Variants in EXOC6B observed in about 807,000 individuals in gnomAD.
EXOC6B encodes the protein SEC15 homolog B.
EXOC6B carries 54 observed loss-of-function variants against 113.5 expected under a neutral mutation model. The ratio of observed to expected loss-of-function variants is 0.48; its 90% CI spans 0.38 to 0.60. The LOEUF (loss-of-function observed/expected upper bound fraction) is 0.60, where lower values mean the gene tolerates loss of function less well. EXOC6B is among the 20% of genes least tolerant of loss of function. EXOC6B has a pLI of 0.00. For missense variants in EXOC6B, 797 were observed against 977.5 expected (o/e 0.82, Z 2.46); for synonymous variants, 357 against 339.0 (o/e 1.05, Z -0.58).
intron 1 of EXOC6B, among the ~76,000 whole-genome samples, chr2:72,759,421 A>G (rs953868720): frequency 6.6e-6 from 1 of 152,180 alleles, no homozygotes; most frequent in Non-Finnish European, 1.5e-5. Context: ...CAGAGTCATA[A>G]AATTTTTCCA....
chr2:72,380,151 T>C (rs1488311070), intron 18 of EXOC6B, among the ~76,000 whole-genome samples: 1 of 152,180 alleles, frequency 6.6e-6, no homozygotes, highest in Admixed American at 6.5e-5. Flanking sequence ...TAAATTGACA[T>C]CAAACAATAT....
intron 2 of EXOC6B, among the ~76,000 whole-genome samples, chr2:72,740,683 G>GAT (rs1375085309): frequency 6.6e-6 from 1 of 152,154 alleles, no homozygotes; most frequent in Non-Finnish European, 1.5e-5. Flanking sequence ...ATTCTACAAT[G>GAT]ATAGCTTTTA....
At chr2:72,331,905 C>T (rs958696861) in intron 20 of EXOC6B, among the ~76,000 whole-genome samples, 5 of 152,028 alleles carry the variant, frequency 3.3e-5, no homozygotes, top group African/African-American at 1.2e-4. Context: ...AATTTGCTTC[C>T]TAATGAAATT....
At position 72,825,250 on chromosome 2, in the gene EXOC6B, G is replaced by C. The variant is rs1686832547; in HGVS notation, c.113+548C>G. 6.6e-6 allele frequency among the ~76,000 whole-genome samples: 1 copy of C among 152,146 alleles called. No homozygotes were observed. Among genetic ancestry groups the C allele is most frequent in the South Asian group, 2.1e-4 (1 of 4,826 alleles). Reference sequence around the variant, plus strand: ...GGTCGTCCTCGTAACAGGGAGGCAGGGATAAAGGAGCAGCGGCTCCCAGGA... The same window carrying C: ...GGTCGTCCTCGTAACAGGGAGGCAGCGATAAAGGAGCAGCGGCTCCCAGGA... On this transcript the variant is annotated intron_variant, in intron 1 of 21. Coordinates refer to ENST00000272427, the MANE Select transcript of EXOC6B (RefSeq NM_015189.3). The surrounding 1 kb of genome is among the most constrained non-coding windows in gnomAD (Gnocchi z 4.4).
Position 72,265,055 on chromosome 2 carries a change from C to T in EXOC6B, c.2196+69892G>A, listed in dbSNP as rs116628094. 4.3e-3 allele frequency among the ~76,000 whole-genome samples: 658 copies of T among 151,674 alleles called. 9 individuals are homozygous for T. Among genetic ancestry groups the T allele is most frequent in the Middle Eastern group, 6.8e-3 (2 of 294 alleles). On this transcript the variant is annotated intron_variant, in intron 20 of 21. Coordinates refer to ENST00000272427, the MANE Select transcript of EXOC6B (RefSeq NM_015189.3). ...ACTAGGTAACAAGCAGAGGTTGGAA[C>T]GGTTTAGAGGGCTTAGAAGAAGACA...
intron 18 of EXOC6B, among the ~76,000 whole-genome samples, chr2:72,406,877 G>A (rs1329672031): frequency 4.6e-5 from 7 of 152,068 alleles, no homozygotes; most frequent in Non-Finnish European, 1.0e-4. Context: ...AGGAATCAGA[G>A]ACACAAAAAA....
In EXOC6B at chr2:72,638,250, C is replaced by T. The variant is rs1325371944; in HGVS notation, c.670-62582G>A. On this transcript the variant is annotated intron_variant, in intron 6 of 21. Coordinates refer to ENST00000272427, the MANE Select transcript of EXOC6B (RefSeq NM_015189.3). Reference sequence around the variant, plus strand: ...ACTATATGCTGATAAATTGGGAAAACTTAAAAGACATGGATACATTCCTAG... The same window carrying T: ...ACTATATGCTGATAAATTGGGAAAATTTAAAAGACATGGATACATTCCTAG... 1.3e-5 allele frequency among the ~76,000 whole-genome samples: 2 copies of T among 152,160 alleles called. 1 individual carries two copies. Among genetic ancestry groups the T allele is most frequent in the South Asian group, 4.2e-4 (2 of 4,810 alleles).
At chr2:72,799,963 G>A (rs1433332265) in intron 1 of EXOC6B, among the ~76,000 whole-genome samples, 2 of 152,038 alleles carry the variant, frequency 1.3e-5, no homozygotes, top group Non-Finnish European at 2.9e-5. Flanking sequence ...TACTCCAAGG[G>A]CTTAAGTGGG....
chr2:72,226,285 A>G (rs11126363), intron 20 of EXOC6B, among the ~76,000 whole-genome samples: 56,236 of 152,054 alleles, frequency 0.37, 13,146 homozygotes, highest in African/African-American at 0.66. Context: ...TAATAGTAAT[A>G]TATCATTGTT....
intron 19 of EXOC6B, among the ~76,000 whole-genome samples, chr2:72,353,098 G>A (rs983246972): frequency 2.6e-5 from 4 of 152,176 alleles, no homozygotes; most frequent in African/African-American, 9.7e-5. Context: ...AGAACAAATG[G>A]CTTGAAGGAA....
intron 6 of EXOC6B, among the ~76,000 whole-genome samples, chr2:72,657,408 T>C (rs1367326736): frequency 6.6e-6 from 1 of 151,242 alleles, no homozygotes; most frequent in East Asian, 1.9e-4. Flanking sequence ...TTTTGTTTTT[T>C]TTAAGTAGAG....
chr2:72,650,749 T>A (rs1421180059), intron 6 of EXOC6B, among the ~76,000 whole-genome samples: 1 of 151,894 alleles, frequency 6.6e-6, no homozygotes, highest in Non-Finnish European at 1.5e-5. Context: ...ACAATTCCTA[T>A]CAGAATGGCT....
At chr2:72,336,096 C>T (rs904941551) in intron 19 of EXOC6B, among the ~76,000 whole-genome samples, 3 of 152,072 alleles carry the variant, frequency 2.0e-5, no homozygotes, top group African/African-American at 7.2e-5. Context: ...CTATGAAGCC[C>T]GTGGCCAATC....
At chr2:72,481,571 A>G (rs956764353) in intron 16 of EXOC6B, among the ~76,000 whole-genome samples, 1 of 152,242 alleles carries the variant, frequency 6.6e-6, no homozygotes, top group Non-Finnish European at 1.5e-5. Flanking sequence ...ATATGTTAAT[A>G]AACTACATCA....
intron 20 of EXOC6B, among the ~76,000 whole-genome samples, chr2:72,298,990 T>C (rs1686328099): frequency 6.6e-6 from 1 of 152,130 alleles, no homozygotes; most frequent in Non-Finnish European, 1.5e-5. Flanking sequence ...AGGAGTATCT[T>C]TGTGGTGTTC....
chr2:72,480,707 C>T lies in EXOC6B; in HGVS notation c.1709G>A (p.Cys570Tyr), dbSNP rs1699031007. 6.3e-7 allele frequency: 1 copy of T among 1,597,196 alleles called. No homozygotes were observed. Among genetic ancestry groups the T allele is most frequent in the Admixed American group, 1.7e-5 (1 of 57,552 alleles). Residue 570 changes from cysteine to tyrosine, a missense_variant, in exon 17 of 22, where the codon TGT becomes TAT. Physicochemically the swap from Cys to Tyr is radical, Grantham distance 194. Coordinates refer to ENST00000272427, the MANE Select transcript of EXOC6B (RefSeq NM_015189.3). ...GGTGATAAATTCTTCCAAGTACTTA[C>T]AGGATTTCTCCAAATGTGTTGTATT... is the stretch of plus-strand genomic sequence containing the variant. ...IINTTHLEKS[C>Y]KYLEEFITNI...
chr2:72,603,229 A>G (rs1051957170), intron 6 of EXOC6B, among the ~76,000 whole-genome samples: 1 of 152,084 alleles, frequency 6.6e-6, no homozygotes, highest in Admixed American at 6.6e-5. Flanking sequence ...CATTAAAACG[A>G]AAAGATCCAG....
chr2:72,300,688 T>G (rs764595987), intron 20 of EXOC6B, among the ~76,000 whole-genome samples: 2 of 152,228 alleles, frequency 1.3e-5, no homozygotes, highest in African/African-American at 2.4e-5. Context: ...CTGCCAGTTG[T>G]GAAGACCATG....
intron 20 of EXOC6B, among the ~76,000 whole-genome samples, chr2:72,313,502 C>T (rs1687333646): frequency 6.6e-6 from 1 of 152,100 alleles, no homozygotes; most frequent in South Asian, 2.1e-4. Flanking sequence ...CAAATCAAGA[C>T]TCACTATCTC....
Sources: allele counts gnomAD v4.1 joint callset (sites outside exome capture counted in the v4.1 genomes callset), GRCh38; gene constraint gnomAD v4.1.1; non-coding constraint Gnocchi (gnomAD v3.1); transcripts MANE v1.5; gene names NCBI Gene and HGNC (gene_info 2026-07-23, HGNC 2026-07-21).